The following RFPL4A variants were observed in gnomAD, a reference collection of about 807,000 sequenced individuals.
RFPL4A encodes ret finger protein like 4A, also known as ret finger protein-like 4A.
A neutral mutation model predicts 8.3 loss-of-function variants in RFPL4A; 4 were observed. The observed-to-expected ratio is 0.48, with a 90% CI of 0.24 to 1.10. The LOEUF is 1.10. RFPL4A is among the 50% of genes least tolerant of loss of function. RFPL4A has a pLI of 0.18. For missense variants in RFPL4A, 111 were observed against 358.7 expected (o/e 0.31, Z 5.58); for synonymous variants, 43 against 136.6 (o/e 0.31, Z 4.78).
intron 1 of RFPL4A, among the ~76,000 whole-genome samples, chr19:55,761,456 A>C (rs1246415631): frequency 7.2e-6 from 1 of 138,914 alleles, no homozygotes; most frequent in African/African-American, 2.7e-5. Flanking sequence ...CTCACAGCAC[A>C]TCTCCATTCA....
rs1381895319 is a variant in RFPL4A, at chr19:55,761,569, G to A, written c.-9-223G>A. On this transcript the variant is annotated intron_variant, in intron 1 of 2. Transcript: ENST00000434937. The stretch of plus-strand genomic sequence containing the variant: ...TTACTATTTCAACTCAAAGTCTTTC[G>A]GTGAATCATGCCCTTTATTCCAATG... Among the ~76,000 whole-genome samples, 24 of 146,944 alleles carry A rather than the reference G, an allele frequency of 1.6e-4. 1 individual carries two copies. Among genetic ancestry groups the A allele is most frequent in the South Asian group, 4.2e-4 (2 of 4,708 alleles).
intron 1 of RFPL4A, among the ~76,000 whole-genome samples, chr19:55,759,664 C>T (rs8107305): frequency 0.31 from 46,534 of 151,006 alleles, 7,981 homozygotes; most frequent in African/African-American, 0.47. Context: ...TGCTGGGACC[C>T]ACCTCTTCCA....
chr19:55,757,808 C>T (rs1432321478), upstream of RFPL4A, among the ~76,000 whole-genome samples: 2 of 151,582 alleles, frequency 1.3e-5, no homozygotes, highest in African/African-American at 2.4e-5. Flanking sequence ...ATTAGAGAGG[C>T]AAATCAACCC....
intron 1 of RFPL4A, 139 bp from the exon 2 acceptor site, chr19:55,761,653 T>C: frequency 2.3e-6 from 3 of 1,295,110 alleles, no homozygotes; most frequent in Non-Finnish European, 1.1e-6. Context: ...ATTCATGTTG[T>C]GTCTTCGTCA....
upstream of RFPL4A, among the ~76,000 whole-genome samples, chr19:55,757,362 T>C (rs1410422615): frequency 6.6e-6 from 1 of 151,772 alleles, no homozygotes; most frequent in Non-Finnish European, 1.5e-5. Flanking sequence ...ACCCCAGAAC[T>C]TAAAGTATAA....
At chr19:55,758,633 A>G (rs1989220873), upstream of RFPL4A, among the ~76,000 whole-genome samples, 2 of 151,608 alleles carry the variant, frequency 1.3e-5, no homozygotes, top group South Asian at 4.2e-4. Flanking sequence ...CTTCTTAATT[A>G]GAATCTTTAC....
chr19:55,761,594 G>A (rs1384256541), intron 1 of RFPL4A, among the ~76,000 whole-genome samples, 198 bp from the exon 2 acceptor site: 1 of 147,940 alleles, frequency 6.8e-6, no homozygotes, highest in Non-Finnish European at 1.5e-5. Flanking sequence ...TTATTCCAAT[G>A]AGTATTACAG....
upstream of RFPL4A, chr19:55,759,078 C>G (rs1163698438): frequency 2.1e-5 from 3 of 141,240 alleles, no homozygotes. Context: ...GGTGGAGACA[C>G]CCTCTGGTAT....
intron 1 of RFPL4A, 84 bp downstream of exon 1, chr19:55,759,259 G>A (rs1989234959): frequency 1.3e-5 from 2 of 152,298 alleles, no homozygotes; most frequent in South Asian, 4.2e-4. Context: ...TTCCACAAGT[G>A]TTGTCTGAGG....
intron 2 of RFPL4A, 46 bp downstream of exon 2, chr19:55,762,132 A>C: frequency 6.5e-7 from 1 of 1,536,302 alleles, no homozygotes; most frequent in Non-Finnish European, 8.8e-7. Context: ...AGGCACTGGG[A>C]AAATGTCTTT....
chr19:55,758,350 A>G (rs1352973581), upstream of RFPL4A, among the ~76,000 whole-genome samples: 1 of 152,294 alleles, frequency 6.6e-6, no homozygotes, highest in African/African-American at 2.4e-5. Flanking sequence ...CATTAATGTA[A>G]TCAAATCCTT....
chr19:55,760,975 CT>C (rs990709895), intron 1 of RFPL4A, among the ~76,000 whole-genome samples: 2 of 146,460 alleles, frequency 1.4e-5, no homozygotes, highest in Non-Finnish European at 3.0e-5. Context: ...ATTATTTTGG[CT>C]TTTTTTTCTT....
At chr19:55,758,568 G>A (rs1453826634), upstream of RFPL4A, among the ~76,000 whole-genome samples, 3 of 151,308 alleles carry the variant, frequency 2.0e-5, no homozygotes, top group Admixed American at 6.6e-5. Flanking sequence ...AAGAAAAACG[G>A]ACTTTCACTG....
Position 55,759,901 on chromosome 19 carries a change from T to A in RFPL4A, c.-10+726T>A, listed in dbSNP as rs1263102685. Among the ~76,000 whole-genome samples, 6 of 151,744 alleles carry A rather than the reference T, an allele frequency of 4.0e-5. 1 individual carries two copies. The highest frequency in any genetic ancestry group is 1.5e-4 in the African/African-American group (6 of 41,214). On this transcript the variant is annotated intron_variant, in intron 1 of 2. Coordinates refer to ENST00000434937, the MANE Select transcript of RFPL4A (RefSeq NM_001145014.2). ...AATGCCAGAATTGCCTTCTTTTTTA[T>A]GGTAGAATAATCCAATGTATATACC...
intron 1 of RFPL4A, among the ~76,000 whole-genome samples, chr19:55,759,563 T>G (rs1374235760): frequency 6.6e-6 from 1 of 151,358 alleles, no homozygotes; most frequent in African/African-American, 2.4e-5. Context: ...TTTTGTTCAG[T>G]TTTTTGTTCC....
At chr19:55,761,628 G>A (rs1989283451) in intron 1 of RFPL4A, among the ~76,000 whole-genome samples, 164 bp from the exon 2 acceptor site, 1 of 148,780 alleles carries the variant, frequency 6.7e-6, no homozygotes, top group Admixed American at 6.6e-5. Context: ...AGGGCCTCGA[G>A]TCATTGACAT....
At position 55,759,614 on chromosome 19, in the gene RFPL4A, A is replaced by C. The variant is rs544960551; in HGVS notation, c.-10+439A>C. Among the ~76,000 whole-genome samples, 27 of 151,812 alleles carry C rather than the reference A, an allele frequency of 1.8e-4. No homozygotes were observed. The East Asian group carries it at 2.7e-3, about 15-fold the overall frequency. On this transcript the variant is annotated intron_variant, in intron 1 of 2. Transcript: ENST00000434937. ...AGAAAGGGAAGGAAATGAAAAGCAA[A>C]GTTTGTTTACATTACTATTGCGGAA...
At chr19:55,758,117 G>A (rs1377841752), upstream of RFPL4A, among the ~76,000 whole-genome samples, 1 of 152,272 alleles carries the variant, frequency 6.6e-6, no homozygotes, top group East Asian at 1.9e-4. Flanking sequence ...ACATACATGT[G>A]GCAGATTATA....
At chr19:55,761,085 CT>C (rs569591290) in intron 1 of RFPL4A, among the ~76,000 whole-genome samples, 2,112 of 94,490 alleles carry the variant, frequency 0.022, 289 homozygotes, top group African/African-American at 0.063. Flanking sequence ...CTGGTTTTTC[CT>C]TTTTTTTTTT....
Sources: allele counts gnomAD v4.1 joint callset (sites outside exome capture counted in the v4.1 genomes callset), GRCh38; gene constraint gnomAD v4.1.1; transcripts MANE v1.5; gene names NCBI Gene and HGNC (gene_info 2026-07-23, HGNC 2026-07-21).